Variants in GLRA2 observed in about 807,000 individuals in gnomAD.
GLRA2 encodes the protein glycine receptor alpha 2.
Under a neutral mutation model 31.6 loss-of-function variants are expected in GLRA2, and 11 were observed. The ratio of observed to expected loss-of-function variants is 0.35; its 90% CI spans 0.22 to 0.58. The LOEUF (loss-of-function observed/expected upper bound fraction) is 0.58, where lower values mean the gene tolerates loss of function less well. Ranked by LOEUF, GLRA2 falls within the 20% of genes least tolerant of loss-of-function variation. The probability of loss-of-function intolerance (pLI) is 0.84; values close to 1 mark genes in which losing one functional copy is unlikely to be tolerated. For synonymous variants in GLRA2, 132 were observed against 134.0 expected (o/e 0.99, Z 0.10); for missense variants, 212 against 351.8 (o/e 0.60, Z 3.18).
chrX:14,672,570 G>GTT (rs113393692), intron 7 of GLRA2, among the ~76,000 whole-genome samples: 3 of 110,382 alleles, frequency 2.7e-5, no homozygotes, highest in Non-Finnish European at 5.7e-5. Context: ...TGTGCTTCTG[G>GTT]TTTTTTTGTT....
Position 14,551,295 on chromosome X carries a change from T to C in GLRA2, c.202+18923T>C. On this transcript the variant is annotated intron_variant, in intron 2 of 8. Coordinates refer to ENST00000218075, the MANE Select transcript of GLRA2 (RefSeq NM_002063.4). ...TAATTACAGCCATGCTAGGGGCTTG[T>C]GAATCTGGAGGCATGCCTAAGGATG... Among the ~76,000 whole-genome samples, 4 of 112,176 alleles carry C rather than the reference T, an allele frequency of 3.6e-5. 1 individual carries two copies. In the South Asian group the frequency reaches 1.5e-3, roughly 42 times the overall value.
At chrX:14,464,821 C>T in the GLRA2 span, among the ~76,000 whole-genome samples, 1 of 112,017 alleles carries the variant, frequency 8.9e-6, no homozygotes, top group Non-Finnish European at 1.9e-5. Context: ...TCCCAAAGTG[C>T]TGAGATTACA....
At chrX:14,656,916 AACT>A (rs1362864118) in intron 7 of GLRA2, among the ~76,000 whole-genome samples, 2 of 112,121 alleles carry the variant, frequency 1.8e-5, no homozygotes, top group Non-Finnish European at 3.8e-5. Flanking sequence ...GACTTTATTT[AACT>A]AGGTTATCAC....
chrX:14,573,148 C>T (rs2089906631), intron 2 of GLRA2, among the ~76,000 whole-genome samples: 1 of 112,141 alleles, frequency 8.9e-6, no homozygotes, highest in Non-Finnish European at 1.9e-5. Flanking sequence ...AATAACAACA[C>T]ATCTCTTTTA....
At chrX:14,722,310 T>G (rs1047321160) in intron 8 of GLRA2, among the ~76,000 whole-genome samples, 7 of 111,285 alleles carry the variant, frequency 6.3e-5, no homozygotes, top group African/African-American at 2.0e-4. Context: ...CTCACAGGGC[T>G]TTTCCATGTG....
At chrX:14,705,788 G>C (rs1422404646) in intron 8 of GLRA2, among the ~76,000 whole-genome samples, 1 of 111,749 alleles carries the variant, frequency 8.9e-6, no homozygotes, top group African/African-American at 3.3e-5. Flanking sequence ...TAATGAACAG[G>C]GGCATGAATT....
chrX:14,525,775 CTTG>C (rs1393879429), upstream of GLRA2, among the ~76,000 whole-genome samples: 2 of 111,849 alleles, frequency 1.8e-5, no homozygotes, highest in Non-Finnish European at 3.8e-5. Context: ...CAGATCTTAA[CTTG>C]TTAATTCCCT....
chrX:14,473,908 G>A, the GLRA2 span, among the ~76,000 whole-genome samples: 1 of 111,886 alleles, frequency 8.9e-6, no homozygotes, highest in African/African-American at 3.3e-5. Context: ...AAAGTGGGGG[G>A]AAATTGACGT....
the GLRA2 span, among the ~76,000 whole-genome samples, chrX:14,519,943 A>C: frequency 9.8e-5 from 11 of 112,479 alleles, no homozygotes; most frequent in Non-Finnish European, 5.6e-5. Flanking sequence ...CTAATGAGTT[A>C]GCATCTATAT....
intron 8 of GLRA2, among the ~76,000 whole-genome samples, chrX:14,714,547 G>A (rs1380449048): frequency 8.9e-6 from 1 of 111,748 alleles, no homozygotes; most frequent in Non-Finnish European, 1.9e-5. Flanking sequence ...CCATTTACAG[G>A]CTGTGGCAAC....
intron 2 of GLRA2, among the ~76,000 whole-genome samples, chrX:14,557,267 C>G (rs2089661116): frequency 1.9e-5 from 2 of 107,812 alleles, no homozygotes; most frequent in Admixed American, 2.0e-4. Context: ...AGGCGCCCAC[C>G]ACCACGCCCG....
rs190329855 is a variant in GLRA2 at position 14,618,107 on chromosome X, T to C, written c.930+8902T>C. On this transcript the variant is annotated intron_variant, in intron 7 of 8. Transcript: ENST00000218075. Reference sequence around the variant, plus strand: ...TTAGTCTGGTGATGTTCTTTCTAATTTTGAAACCACTCTTAAAATTTACCA... The same window carrying C: ...TTAGTCTGGTGATGTTCTTTCTAATCTTGAAACCACTCTTAAAATTTACCA... Among the ~76,000 whole-genome samples the C allele has an allele frequency of 3.8e-4, 43 of 112,288 alleles. 2 individuals carry two copies. Among genetic ancestry groups the C allele is most frequent in the Admixed American group, 1.9e-3 (20 of 10,596 alleles).
intron 8 of GLRA2, among the ~76,000 whole-genome samples, chrX:14,724,361 C>T (rs2091901873): frequency 9.1e-6 from 1 of 110,352 alleles, no homozygotes; most frequent in Non-Finnish European, 1.9e-5. Flanking sequence ...CATGGTGGCT[C>T]ACACCTGTAA....
intron 8 of GLRA2, among the ~76,000 whole-genome samples, chrX:14,697,147 G>T (rs750554629): frequency 2.3e-4 from 26 of 110,784 alleles, no homozygotes; most frequent in South Asian, 1.5e-3. Flanking sequence ...TATATGCCAG[G>T]TACTCTTCTA....
chrX:14,625,443 C>G (rs756007638), intron 7 of GLRA2, among the ~76,000 whole-genome samples: 1 of 111,507 alleles, frequency 9.0e-6, no homozygotes, highest in Non-Finnish European at 1.9e-5. Flanking sequence ...TTCCTAGCAT[C>G]GATGGTCTTT....
intron 7 of GLRA2, among the ~76,000 whole-genome samples, chrX:14,641,483 G>C (rs2090772686): frequency 9.0e-6 from 1 of 110,849 alleles, no homozygotes; most frequent in Non-Finnish European, 1.9e-5. Context: ...TGAGATATTT[G>C]GGTTCAAGCC....
chrX:14,484,483 A>G, the GLRA2 span, among the ~76,000 whole-genome samples: 20 of 112,333 alleles, frequency 1.8e-4, no homozygotes, highest in Admixed American at 7.6e-4. Flanking sequence ...AACTGGATGG[A>G]GAGTAGAATT....
At chrX:14,498,186 G>A in the GLRA2 span, among the ~76,000 whole-genome samples, 1 of 108,965 alleles carries the variant, frequency 9.2e-6, no homozygotes, top group African/African-American at 3.3e-5. Context: ...GTGACTAGAA[G>A]TAAAATAATT....
At chrX:14,462,701 G>A in the GLRA2 span, among the ~76,000 whole-genome samples, 1 of 111,418 alleles carries the variant, frequency 9.0e-6, no homozygotes, top group Non-Finnish European at 1.9e-5. Flanking sequence ...GCTCCATCAG[G>A]TCATTTAAGG....
Sources: gnomAD v4.1 joint callset for allele counts (sites outside exome capture counted in the v4.1 genomes callset) on GRCh38, gnomAD v4.1.1 for gene constraint, MANE v1.5 for transcripts, NCBI Gene and HGNC (gene_info 2026-07-23, HGNC 2026-07-21) for gene names.